Variants in AGBL4 observed in about 807,000 individuals in gnomAD.
The protein encoded by AGBL4 is cytosolic carboxypeptidase 6.
Under a neutral mutation model 66.4 loss-of-function variants are expected in AGBL4, and 58 were observed. That is an observed-to-expected ratio of 0.87 (90% CI 0.71 to 1.09). The LOEUF (loss-of-function observed/expected upper bound fraction) is 1.09, where lower values mean the gene tolerates loss of function less well. AGBL4 is among the 50% of genes least tolerant of loss of function. The pLI, the probability that AGBL4 is intolerant of heterozygous loss-of-function variation, is 0.00. For synonymous variants in AGBL4, 234 were observed against 222.9 expected, an observed-to-expected ratio of 1.05 and a Z score of -0.44; for missense variants, 579 against 631.0, an observed-to-expected ratio of 0.92 and a Z score of 0.88.
intron 4 of AGBL4, among the ~76,000 whole-genome samples, chr1:49,215,655 T>C (rs922267035): frequency 1.3e-5 from 2 of 152,092 alleles, no homozygotes; most frequent in Non-Finnish European, 2.9e-5. Flanking sequence ...TGTGGATTCT[T>C]CAGACAGGTA....
chr1:48,713,223 G>C (rs1278002468), intron 6 of AGBL4, among the ~76,000 whole-genome samples: 1 of 152,182 alleles, frequency 6.6e-6, no homozygotes, highest in Non-Finnish European at 1.5e-5. Context: ...ACCCAGAGAA[G>C]GCACACAGTG....
intron 3 of AGBL4, among the ~76,000 whole-genome samples, chr1:49,541,861 T>C (rs1652061366): frequency 6.6e-6 from 1 of 152,174 alleles, no homozygotes; most frequent in Admixed American, 6.5e-5. Context: ...TGTGTCTAGC[T>C]CAAGGTTTGT....
intron 3 of AGBL4, among the ~76,000 whole-genome samples, chr1:49,600,065 G>A (rs1644925154): frequency 1.3e-5 from 2 of 152,196 alleles, no homozygotes; most frequent in South Asian, 4.1e-4. Context: ...GCTATGTGGT[G>A]CTGAGAAGAA....
At chr1:49,150,890 T>A (rs762853979) in intron 4 of AGBL4, among the ~76,000 whole-genome samples, 2 of 152,210 alleles carry the variant, frequency 1.3e-5, no homozygotes, top group Non-Finnish European at 2.9e-5. Flanking sequence ...ATTACTGTGC[T>A]TGGCAAATAA....
At chr1:49,252,269 G>A (rs2148340015) in intron 3 of AGBL4, among the ~76,000 whole-genome samples, 1 of 152,170 alleles carries the variant, frequency 6.6e-6, no homozygotes, top group South Asian at 2.1e-4. Context: ...GCAATTGCAA[G>A]TATTAATAGC....
At chr1:48,795,591 CATT>C (rs1645655431) in intron 6 of AGBL4, among the ~76,000 whole-genome samples, 1 of 152,174 alleles carries the variant, frequency 6.6e-6, no homozygotes, top group Non-Finnish European at 1.5e-5. Context: ...AATCCATTGA[CATT>C]ATTCATATTT....
intron 1 of AGBL4, among the ~76,000 whole-genome samples, chr1:50,001,899 G>A (rs140595584): frequency 6.6e-6 from 1 of 151,972 alleles, no homozygotes; most frequent in Non-Finnish European, 1.5e-5. Flanking sequence ...TCCATCCTAC[G>A]TGCTGCCAGT....
intron 3 of AGBL4, among the ~76,000 whole-genome samples, chr1:49,687,794 T>TA (rs1212235892): frequency 6.6e-6 from 1 of 151,558 alleles, no homozygotes; most frequent in Non-Finnish European, 1.5e-5. Context: ...AAAAAAAAAT[T>TA]AAAAAAATAC....
chr1:49,189,636 GA>G (rs2148203774), intron 4 of AGBL4, among the ~76,000 whole-genome samples: 1 of 152,224 alleles, frequency 6.6e-6, no homozygotes, highest in African/African-American at 2.4e-5. Flanking sequence ...AGTGAAAAAA[GA>G]GAAAAATACA....
At chr1:48,712,357 G>A (rs1468288073) in intron 6 of AGBL4, among the ~76,000 whole-genome samples, 2 of 152,134 alleles carry the variant, frequency 1.3e-5, no homozygotes, top group African/African-American at 2.4e-5. Context: ...TTTCTAACCT[G>A]CTTGCCCCAC....
At chr1:48,721,510 G>C (rs992822975) in intron 6 of AGBL4, among the ~76,000 whole-genome samples, 1 of 152,158 alleles carries the variant, frequency 6.6e-6, no homozygotes, top group Non-Finnish European at 1.5e-5. Context: ...TTGGCAATAC[G>C]GGCTCACTAA....
At chr1:49,430,949 T>C (rs1235030181) in intron 3 of AGBL4, among the ~76,000 whole-genome samples, 1 of 152,232 alleles carries the variant, frequency 6.6e-6, no homozygotes, top group Non-Finnish European at 1.5e-5. Context: ...TGTATCTATA[T>C]TGTTGCACAT....
At chr1:48,638,416 C>A (rs1045442981) in intron 8 of AGBL4, among the ~76,000 whole-genome samples, 1 of 152,132 alleles carries the variant, frequency 6.6e-6, no homozygotes, top group African/African-American at 2.4e-5. Flanking sequence ...AGAGGATAAC[C>A]ACTCTGACTT....
intron 3 of AGBL4, among the ~76,000 whole-genome samples, chr1:49,383,129 T>C (rs1644658733): frequency 6.6e-6 from 1 of 152,142 alleles, no homozygotes; most frequent in Non-Finnish European, 1.5e-5. Flanking sequence ...CTACAAAGCA[T>C]TGCTGAAAGA....
rs139327008 is a variant in AGBL4 at position 48,838,679 on chromosome 1, C to A, written c.634+28512G>T. On this transcript the variant is annotated intron_variant, in intron 6 of 13. Coordinates refer to ENST00000371839, the MANE Select transcript of AGBL4 (RefSeq NM_032785.4). ...AAGTACAGACAATCAAAGCAAAAAT[C>A]GACAAATGGGATTACATGAAGCTAA... Among the ~76,000 whole-genome samples, 24 of 152,028 alleles carry A rather than the reference C, an allele frequency of 1.6e-4. No individual in the cohort carries two copies. The East Asian group carries it at 4.6e-3, about 29-fold the overall frequency.
At chr1:48,957,607 C>T (rs1452032630) in intron 5 of AGBL4, among the ~76,000 whole-genome samples, 2 of 152,210 alleles carry the variant, frequency 1.3e-5, no homozygotes, top group African/African-American at 4.8e-5. Context: ...TCTTCACTAA[C>T]ACTTCTTTCT....
chr1:49,942,973 G>T (rs1654903733), intron 1 of AGBL4, among the ~76,000 whole-genome samples: 1 of 151,994 alleles, frequency 6.6e-6, no homozygotes, highest in Admixed American at 6.6e-5. Flanking sequence ...TCAATAAATA[G>T]AAATAACCAT....
chr1:48,925,175 T>C (rs12069082), intron 5 of AGBL4, among the ~76,000 whole-genome samples: 5 of 148,350 alleles, frequency 3.4e-5, no homozygotes, highest in South Asian at 2.1e-4. Context: ...CACACACACA[T>C]ATGTGTGTGT....
intron 1 of AGBL4, among the ~76,000 whole-genome samples, chr1:50,019,093 G>A (rs536173052): frequency 6.6e-6 from 1 of 152,094 alleles, no homozygotes; most frequent in African/African-American, 2.4e-5. Context: ...ACACCCCATT[G>A]GGGGTATTAT....
Sources: allele counts gnomAD v4.1 joint callset (sites outside exome capture counted in the v4.1 genomes callset), GRCh38; gene constraint gnomAD v4.1.1; transcripts MANE v1.5; gene names NCBI Gene and HGNC (gene_info 2026-07-23, HGNC 2026-07-21).